Variants in PLXDC2 observed in about 807,000 individuals in gnomAD.
PLXDC2 encodes plexin domain containing 2, also known as plexin domain-containing protein 2.
In PLXDC2, 40 loss-of-function variants were observed where a neutral mutation model predicts 68.9. The observed-to-expected ratio is 0.58, with a 90% CI of 0.45 to 0.76. The LOEUF is 0.76. Among genes scored for constraint, PLXDC2 ranks in the 30% least tolerant of loss-of-function variants. The pLI, the probability that PLXDC2 is intolerant of heterozygous loss-of-function variation, is 0.00. For synonymous variants in PLXDC2, 243 were observed against 234.2 expected (o/e 1.04, Z -0.34); for missense variants, 644 against 661.9 (o/e 0.97, Z 0.30).
intron 2 of PLXDC2, among the ~76,000 whole-genome samples, chr10:20,038,181 A>G (rs1395361391): frequency 6.6e-6 from 1 of 152,116 alleles, no homozygotes; most frequent in Non-Finnish European, 1.5e-5. Flanking sequence ...GGTTGCAGTG[A>G]GCTGAGATCA....
chr10:19,896,135 A>G (rs939582066), intron 1 of PLXDC2, among the ~76,000 whole-genome samples: 1 of 152,162 alleles, frequency 6.6e-6, no homozygotes, highest in African/African-American at 2.4e-5. Context: ...TTCCACAGCC[A>G]TTGAGAGCTG....
At chr10:19,978,245 T>C (rs1564645741) in intron 1 of PLXDC2, among the ~76,000 whole-genome samples, 4 of 152,348 alleles carry the variant, frequency 2.6e-5, no homozygotes, top group African/African-American at 9.6e-5. Flanking sequence ...GCTTACAGTC[T>C]TTAACCTGAA....
At chr10:20,021,302 A>T (rs1392919649) in intron 2 of PLXDC2, among the ~76,000 whole-genome samples, 2 of 152,034 alleles carry the variant, frequency 1.3e-5, no homozygotes, top group Admixed American at 1.3e-4. Context: ...ACATGCGCAG[A>T]ATGTGCAGAT....
At chr10:20,107,004 A>G (rs1011727083) in intron 4 of PLXDC2, among the ~76,000 whole-genome samples, 1 of 149,318 alleles carries the variant, frequency 6.7e-6, no homozygotes, top group African/African-American at 2.4e-5. Flanking sequence ...TGTAGGGGAC[A>G]TGTAGTGTAT....
Position 20,280,971 on chromosome 10 carries a change from G to A in PLXDC2, c.*1152G>A, listed in dbSNP as rs888280245. The A allele has an allele frequency of 6.6e-6, 1 of 151,934 alleles. No individual in the cohort carries two copies. Among genetic ancestry groups the A allele is most frequent in the African/African-American group, 2.4e-5 (1 of 41,368 alleles). 9.4% of individuals were successfully genotyped at this position (151,934 alleles called of 1,614,324 possible). ...ACAAGGCAGGATCTTGTGACTCTAA[G>A]AGTGCGTTTTGTCATCAAGGCAAAA... On this transcript the variant is annotated 3_prime_UTR_variant, in exon 14 of 14. Coordinates refer to ENST00000377252, the MANE Select transcript of PLXDC2 (RefSeq NM_032812.9).
At chr10:19,852,960 G>T (rs1286051958) in intron 1 of PLXDC2, among the ~76,000 whole-genome samples, 1 of 152,178 alleles carries the variant, frequency 6.6e-6, no homozygotes, top group East Asian at 1.9e-4. Flanking sequence ...ACCAGGCTAA[G>T]TGAAAATACT....
At chr10:20,029,973 G>A (rs1835471902) in intron 2 of PLXDC2, among the ~76,000 whole-genome samples, 2 of 151,948 alleles carry the variant, frequency 1.3e-5, no homozygotes, top group South Asian at 4.1e-4. Flanking sequence ...ATTTGAATTT[G>A]GCTTTTAAAT....
At chr10:19,884,706 T>C (rs1589518747) in intron 1 of PLXDC2, among the ~76,000 whole-genome samples, 1 of 152,370 alleles carries the variant, frequency 6.6e-6, no homozygotes, top group East Asian at 1.9e-4. Flanking sequence ...GGCTGCATAG[T>C]ATTCCATGGT....
chr10:20,031,976 C>T (rs975448209), intron 2 of PLXDC2, among the ~76,000 whole-genome samples: 5 of 152,020 alleles, frequency 3.3e-5, no homozygotes, highest in Admixed American at 1.3e-4. Context: ...TGTGCTACCA[C>T]GTCCAGCTAA....
At chr10:20,195,329 C>T (rs1834823251) in intron 9 of PLXDC2, among the ~76,000 whole-genome samples, 1 of 152,064 alleles carries the variant, frequency 6.6e-6, no homozygotes, top group Non-Finnish European at 1.5e-5. Flanking sequence ...TTAGAAAATG[C>T]TAACCTTCTT....
At chr10:20,242,170 T>C (rs1232527979) in intron 12 of PLXDC2, among the ~76,000 whole-genome samples, 1 of 152,098 alleles carries the variant, frequency 6.6e-6, no homozygotes. Context: ...CATACTCTTA[T>C]AAAAATAAGA....
intron 12 of PLXDC2, among the ~76,000 whole-genome samples, chr10:20,222,131 A>AT (rs1835220879): frequency 6.6e-6 from 1 of 151,600 alleles, no homozygotes; most frequent in Non-Finnish European, 1.5e-5. Context: ...AAAGGGTAAC[A>AT]TTTTTCAAAG....
chr10:19,846,742 C>T (rs1837016295), intron 1 of PLXDC2, among the ~76,000 whole-genome samples: 2 of 152,148 alleles, frequency 1.3e-5, no homozygotes, highest in African/African-American at 4.8e-5. Context: ...CCACAAGTCA[C>T]ATAGTTGATC....
chr10:20,237,526 G>A (rs1479024117), intron 12 of PLXDC2, among the ~76,000 whole-genome samples: 1 of 152,206 alleles, frequency 6.6e-6, no homozygotes, highest in Non-Finnish European at 1.5e-5. Context: ...CTGATCAGTT[G>A]CAAGGGAAAC....
At chr10:19,978,645 G>T (rs1428076578) in intron 1 of PLXDC2, among the ~76,000 whole-genome samples, 2 of 152,176 alleles carry the variant, frequency 1.3e-5, no homozygotes, top group African/African-American at 4.8e-5. Flanking sequence ...TATAGCAATA[G>T]CAGGTGTGTT....
At chr10:19,817,245 T>G in intron 1 of PLXDC2, 54 bp downstream of exon 1, 1 of 1,412,042 alleles carries the variant, frequency 7.1e-7, no homozygotes, top group Non-Finnish European at 9.8e-7. Flanking sequence ...AAGACCTCTC[T>G]GGCACTCTCG....
intron 1 of PLXDC2, among the ~76,000 whole-genome samples, chr10:19,881,157 C>A (rs1023106469): frequency 4.6e-5 from 7 of 151,804 alleles, no homozygotes; most frequent in African/African-American, 1.7e-4. Context: ...GCTCTGTCAC[C>A]CAGGCTGGTG....
At chr10:19,968,347 C>A (rs1356352454) in intron 1 of PLXDC2, among the ~76,000 whole-genome samples, 1 of 152,208 alleles carries the variant, frequency 6.6e-6, no homozygotes, top group East Asian at 1.9e-4. Flanking sequence ...GGGTCTCACT[C>A]TGTCTCCCAG....
intron 1 of PLXDC2, among the ~76,000 whole-genome samples, chr10:19,961,052 A>G (rs964290690): frequency 5.3e-5 from 8 of 152,198 alleles, no homozygotes; most frequent in Non-Finnish European, 7.4e-5. Context: ...GTTTGAATTT[A>G]CTTAGCTGTT....
Sources: allele counts gnomAD v4.1 joint callset (sites outside exome capture counted in the v4.1 genomes callset), GRCh38; gene constraint gnomAD v4.1.1; transcripts MANE v1.5; gene names NCBI Gene and HGNC (gene_info 2026-07-23, HGNC 2026-07-21).